Variants in ABCA13 observed in about 807,000 individuals in gnomAD.
The protein encoded by ABCA13 is ATP-binding cassette sub-family A member 13.
Under a neutral mutation model 478.7 loss-of-function variants are expected in ABCA13, and 476 were observed. That is an observed-to-expected ratio of 0.99 (90% confidence interval 0.92 to 1.07). ABCA13 has a LOEUF of 1.07. Ranked by LOEUF, ABCA13 falls within the 50% of genes least tolerant of loss-of-function variation. The pLI, the probability that ABCA13 is intolerant of heterozygous loss-of-function variation, is 0.00. For synonymous variants in ABCA13, 2,252 were observed against 2,158.9 expected (o/e 1.04, Z -1.20); for missense variants, 6,060 against 5,910.6 (o/e 1.03, Z -0.83).
chr7:48,420,543 A>G (rs1304706005), intron 41 of ABCA13, among the ~76,000 whole-genome samples: 2 of 152,166 alleles, frequency 1.3e-5, no homozygotes, highest in Non-Finnish European at 2.9e-5. Flanking sequence ...ATGTTTTAGA[A>G]ATGCTGGTGA....
chr7:48,587,867 G>A (rs1789344391), intron 57 of ABCA13, among the ~76,000 whole-genome samples: 1 of 152,134 alleles, frequency 6.6e-6, no homozygotes, highest in Admixed American at 6.5e-5. Flanking sequence ...AAGAAATGGA[G>A]TTAATTATCT....
intron 44 of ABCA13, among the ~76,000 whole-genome samples, chr7:48,468,787 T>C (rs1325988756): frequency 6.6e-6 from 1 of 152,202 alleles, no homozygotes; most frequent in Non-Finnish European, 1.5e-5. Context: ...GATACTCAGC[T>C]CTGAGTGTCA....
In ABCA13 at chr7:48,389,155, G is replaced by A. The variant is rs1815652323; in HGVS notation, c.11589G>A (p.Leu3863=). Reference sequence around the variant, plus strand: ...AGGCTGTGGTCCAAGACCTCAGCCTGACCTTCTACAGAGACCAAATCACCG... The same window carrying A: ...AGGCTGTGGTCCAAGACCTCAGCCTAACCTTCTACAGAGACCAAATCACCG... ...GHKAVVQDLS[L]TFYRDQITAL... is the part of the protein sequence containing the mutation. Residue 3863 remains leucine, a synonymous_variant, in exon 37 of 62, where the codon CTG becomes CTA. Coordinates refer to ENST00000435803, the MANE Select transcript of ABCA13 (RefSeq NM_152701.5). 6.2e-7 allele frequency: 1 copy of A among 1,613,854 alleles called. No individual in the cohort carries two copies. The highest frequency in any genetic ancestry group is 1.1e-5 in the South Asian group (1 of 91,082).
Position 48,244,568 on chromosome 7 carries a change from G to C in ABCA13, c.1263-8G>C. On this transcript the variant is annotated splice_region_variant and splice_polypyrimidine_tract_variant and intron_variant, in intron 10 of 61. Coordinates refer to ENST00000435803, the MANE Select transcript of ABCA13 (RefSeq NM_152701.5). ...CATTTTATTTCATTTATTTATTTTTGCCCTCAGATTACAGCATCTGTGGAA... is the reference window on the plus strand; with the variant it reads ...CATTTTATTTCATTTATTTATTTTTCCCCTCAGATTACAGCATCTGTGGAA... 2 of 1,609,598 alleles carry C rather than the reference G, an allele frequency of 1.2e-6. No homozygotes were observed. Among genetic ancestry groups the C allele is most frequent in the Non-Finnish European group, 1.7e-6 (2 of 1,178,128 alleles).
intron 7 of ABCA13, among the ~76,000 whole-genome samples, chr7:48,232,806 G>A (rs1338118765): frequency 2.6e-5 from 4 of 152,124 alleles, no homozygotes; most frequent in African/African-American, 9.7e-5. Flanking sequence ...TACCTTCTGA[G>A]ACCAGTAGAG....
At chr7:48,641,201 A>G (rs1434889987) in intron 59 of ABCA13, among the ~76,000 whole-genome samples, 1 of 152,192 alleles carries the variant, frequency 6.6e-6, no homozygotes, top group Admixed American at 6.6e-5. Flanking sequence ...TAATGGTAAA[A>G]ATGGATCCTA....
Position 48,332,393 on chromosome 7 carries a change from C to CA in ABCA13, c.10000-3028dup, listed in dbSNP as rs1483503473. Reference sequence around the variant, plus strand: ...CATACACACGTGGCTTACCACAGTTCATTGGCATTGAGATTTTACCACTTC... The same window carrying CA: ...CATACACACGTGGCTTACCACAGTTCAATTGGCATTGAGATTTTACCACTTC... On this transcript the variant is annotated intron_variant, in intron 27 of 61. Coordinates refer to ENST00000435803, the MANE Select transcript of ABCA13 (RefSeq NM_152701.5). Among the ~76,000 whole-genome samples, 3 of 152,366 alleles carry CA rather than the reference C, an allele frequency of 2.0e-5. No individual in the cohort carries two copies. The East Asian group carries it at 5.8e-4, about 29-fold the overall frequency.
intron 15 of ABCA13, among the ~76,000 whole-genome samples, chr7:48,251,730 G>A (rs1240998940): frequency 6.6e-6 from 1 of 151,724 alleles, no homozygotes; most frequent in Non-Finnish European, 1.5e-5. Flanking sequence ...TAAATTTAGT[G>A]TGATTGTTGT....
At chr7:48,599,867 T>C (rs144650076) in intron 58 of ABCA13, among the ~76,000 whole-genome samples, 277 of 152,350 alleles carry the variant, frequency 1.8e-3, no homozygotes, top group African/African-American at 6.2e-3. Context: ...TAGAGAATTG[T>C]CTATGCAAAG....
chr7:48,344,354 A>T (rs1156346175), intron 29 of ABCA13, among the ~76,000 whole-genome samples: 1 of 152,168 alleles, frequency 6.6e-6, no homozygotes, highest in Non-Finnish European at 1.5e-5. Flanking sequence ...GAGCAATAAG[A>T]TGGAGTCACT....
chr7:48,463,991 A>AT (rs1826588907), intron 43 of ABCA13, among the ~76,000 whole-genome samples: 1 of 152,174 alleles, frequency 6.6e-6, no homozygotes, highest in Non-Finnish European at 1.5e-5. Context: ...AGGAAGGCCC[A>AT]TTAGGAGTGT....
intron 29 of ABCA13, among the ~76,000 whole-genome samples, chr7:48,340,437 C>T (rs899951139): frequency 2.0e-5 from 3 of 152,124 alleles, no homozygotes; most frequent in African/African-American, 7.2e-5. Flanking sequence ...TAACTTTTTG[C>T]TTTATTACAA....
At chr7:48,609,841 C>G (rs572327984) in intron 58 of ABCA13, among the ~76,000 whole-genome samples, 1 of 152,194 alleles carries the variant, frequency 6.6e-6, no homozygotes, top group African/African-American at 2.4e-5. Context: ...AGAACTCACT[C>G]ACTATCACAA....
chr7:48,210,657 A>C (rs924456705), intron 3 of ABCA13, among the ~76,000 whole-genome samples: 1 of 151,954 alleles, frequency 6.6e-6, no homozygotes, highest in African/African-American at 2.4e-5. Context: ...TGCAAAGTTG[A>C]TCTTGTTATT....
At chr7:48,325,807 G>A (rs1804236148) in intron 27 of ABCA13, among the ~76,000 whole-genome samples, 1 of 152,186 alleles carries the variant, frequency 6.6e-6, no homozygotes, top group African/African-American at 2.4e-5. Context: ...GAGAACCCAA[G>A]GAAGAAACAG....
intron 1 of ABCA13, among the ~76,000 whole-genome samples, chr7:48,184,751 C>T (rs1367432829): frequency 6.6e-6 from 1 of 152,124 alleles, no homozygotes; most frequent in African/African-American, 2.4e-5. Context: ...ATCTGGGAGG[C>T]GGAGATTGCG....
chr7:48,597,878 A>G (rs1007492410), intron 58 of ABCA13, among the ~76,000 whole-genome samples: 3 of 152,152 alleles, frequency 2.0e-5, no homozygotes, highest in Non-Finnish European at 4.4e-5. Context: ...ACACATGCAT[A>G]TCCTTCCCTA....
At chr7:48,202,446 G>T (rs1798904013) in intron 3 of ABCA13, among the ~76,000 whole-genome samples, 1 of 152,040 alleles carries the variant, frequency 6.6e-6, no homozygotes, top group Non-Finnish European at 1.5e-5. Context: ...GACACAGGGT[G>T]CTGAGTGGTG....
chr7:48,340,589 A>G (rs1807005113), intron 29 of ABCA13, among the ~76,000 whole-genome samples: 1 of 152,174 alleles, frequency 6.6e-6, no homozygotes, highest in Non-Finnish European at 1.5e-5. Context: ...ACTCATATGA[A>G]GATAAGAATA....
Sources: allele counts gnomAD v4.1 joint callset (sites outside exome capture counted in the v4.1 genomes callset), GRCh38; gene constraint gnomAD v4.1.1; transcripts MANE v1.5; gene names NCBI Gene and HGNC (gene_info 2026-07-23, HGNC 2026-07-21).